Variants in PRICKLE2 observed in about 807,000 individuals in gnomAD.
The protein encoded by PRICKLE2 is prickle-like protein 2.
A neutral mutation model predicts 81.4 loss-of-function variants in PRICKLE2; 21 were observed. The ratio of observed to expected loss-of-function variants is 0.26; its 90% CI spans 0.18 to 0.37. PRICKLE2 has a LOEUF of 0.37. PRICKLE2 is among the 10% of genes least tolerant of loss of function. PRICKLE2 has a pLI of 1.00. For missense variants in PRICKLE2, 940 were observed against 1,109.0 expected (o/e 0.85, Z 2.16); for synonymous variants, 456 against 421.5 (o/e 1.08, Z -1.00).
chr3:64,211,092 T>TA (rs1447634489), intron 1 of PRICKLE2, among the ~76,000 whole-genome samples: 1 of 152,172 alleles, frequency 6.6e-6, no homozygotes, highest in African/African-American at 2.4e-5. Context: ...TAGGGGTACT[T>TA]ATCAACCAAC....
At chr3:64,255,184 G>A (rs1237895947) in intron 2 of PRICKLE2, among the ~76,000 whole-genome samples, 1 of 152,126 alleles carries the variant, frequency 6.6e-6, no homozygotes, top group Non-Finnish European at 1.5e-5. Flanking sequence ...TTCATTCCAT[G>A]TCCCATGTCT....
At chr3:64,153,494 C>T (rs1365835550) in intron 5 of PRICKLE2, 126 bp from the exon 6 acceptor site, 1 of 842,008 alleles carries the variant, frequency 1.2e-6, no homozygotes, top group Non-Finnish European at 1.9e-6. Context: ...AATAATTAAA[C>T]AAAAATCCAT....
chr3:64,133,087 G>C (rs768198622), intron 7 of PRICKLE2, among the ~76,000 whole-genome samples: 47 of 152,192 alleles, frequency 3.1e-4, no homozygotes, highest in Non-Finnish European at 1.0e-4. Flanking sequence ...CTGATTTGAT[G>C]TGCTTCATCC....
At chr3:64,104,111 T>A (rs577635565) in intron 7 of PRICKLE2, among the ~76,000 whole-genome samples, 3 of 152,364 alleles carry the variant, frequency 2.0e-5, no homozygotes, top group African/African-American at 7.2e-5. Flanking sequence ...TTGTTTCAAT[T>A]TCGTTCCTGG....
chr3:64,138,726 T>C (rs2077314264), intron 7 of PRICKLE2, among the ~76,000 whole-genome samples: 1 of 152,236 alleles, frequency 6.6e-6, no homozygotes, highest in Admixed American at 6.5e-5. Flanking sequence ...TTCCCAAGTA[T>C]ATCCCAGGGC....
At chr3:64,118,041 T>G (rs2076965257) in intron 7 of PRICKLE2, among the ~76,000 whole-genome samples, 1 of 152,062 alleles carries the variant, frequency 6.6e-6, no homozygotes, top group East Asian at 1.9e-4. Context: ...AACACAGAAG[T>G]AAGGCCACAC....
chr3:64,233,287 A>G (rs1332216496), intron 2 of PRICKLE2, among the ~76,000 whole-genome samples: 1 of 152,096 alleles, frequency 6.6e-6, no homozygotes, highest in African/African-American at 2.4e-5. Context: ...CAGTCTATTC[A>G]CAAAACTGCA....
rs191030603 is a variant in PRICKLE2, at chr3:64,221,507, G to T, written c.-41+3403C>A. On this transcript the variant is annotated intron_variant, in intron 1 of 7. Transcript: ENST00000638394. The stretch of plus-strand genomic sequence containing the variant: ...GAACATTTCATTTTAAATGTTTACA[G>T]GTTAAGACAGAGCAAAGGGGCAAAT... 2.6e-4 allele frequency among the ~76,000 whole-genome samples: 40 copies of T among 151,752 alleles called. No individual in the cohort carries two copies. The East Asian group carries it at 7.6e-3, about 29-fold the overall frequency.
chr3:64,235,891 A>C (rs897366323), intron 2 of PRICKLE2, among the ~76,000 whole-genome samples: 4 of 151,820 alleles, frequency 2.6e-5, no homozygotes, highest in Admixed American at 2.0e-4. Flanking sequence ...GACTGAACAT[A>C]CCCAGAGTGG....
Position 64,157,376 on chromosome 3 carries a change from A to C in PRICKLE2, c.397-11T>G. 1 of 1,612,342 alleles carries C rather than the reference A, an allele frequency of 6.2e-7. No homozygotes were observed. On this transcript the variant is annotated splice_polypyrimidine_tract_variant and intron_variant, in intron 4 of 7. Transcript: ENST00000638394. ...GATCTGGCCTCCGCACTGTGAGGCA[A>C]ACAGAAACATCAGTAGTCACACTAG... is the stretch of plus-strand genomic sequence containing the variant.
At chr3:64,111,451 A>C (rs533550503) in intron 7 of PRICKLE2, among the ~76,000 whole-genome samples, 59 of 152,298 alleles carry the variant, frequency 3.9e-4, no homozygotes, top group African/African-American at 1.3e-3. Context: ...GTGAATACAA[A>C]AAGTAAAAGG....
At chr3:64,163,285 G>C in intron 2 of PRICKLE2, 156 bp from the exon 3 acceptor site, 1 of 684,716 alleles carries the variant, frequency 1.5e-6, no homozygotes. Flanking sequence ...CCTATGGTAA[G>C]CAGAGAAATT....
intron 3 of PRICKLE2, 127 bp from the exon 4 acceptor site, chr3:64,160,204 AACC>A: frequency 1.0e-6 from 1 of 969,672 alleles, no homozygotes; most frequent in East Asian, 2.4e-5. Flanking sequence ...CCTGAACTTT[AACC>A]ACAACAGCCT....
At chr3:64,225,606 C>T (rs1028614048), upstream of PRICKLE2, 2 of 249,290 alleles carry the variant, frequency 8.0e-6, no homozygotes, top group Non-Finnish European at 1.3e-5. Context: ...ATCCCCAAGC[C>T]AGGGAGAGGG....
chr3:64,220,636 T>A (rs1414961005), intron 1 of PRICKLE2, among the ~76,000 whole-genome samples: 1 of 152,160 alleles, frequency 6.6e-6, no homozygotes, highest in Non-Finnish European at 1.5e-5. Flanking sequence ...TGCTTCCTCC[T>A]GTAGGTTCAC....
intron 2 of PRICKLE2, among the ~76,000 whole-genome samples, chr3:64,237,428 C>T (rs1049794831): frequency 5.3e-5 from 8 of 151,986 alleles, no homozygotes; most frequent in African/African-American, 1.2e-4. Context: ...CCCTGGAGTT[C>T]GGCCATCTCC....
chr3:64,191,189 T>A (rs900749132), intron 2 of PRICKLE2, among the ~76,000 whole-genome samples: 4 of 152,186 alleles, frequency 2.6e-5, no homozygotes, highest in Admixed American at 6.5e-5. Context: ...CTAGGATTGC[T>A]ACAAACCCTA....
At chr3:64,266,518 A>G (rs2107194637) in intron 2 of PRICKLE2, among the ~76,000 whole-genome samples, 1 of 152,314 alleles carries the variant, frequency 6.6e-6, no homozygotes, top group Non-Finnish European at 1.5e-5. Context: ...CCCCATGGGA[A>G]GATGCTTTAT....
intron 2 of PRICKLE2, chr3:64,182,586 G>C (rs704394): frequency 0.49 from 74,132 of 151,808 alleles, 18,391 homozygotes; most frequent in East Asian, 0.71. Context: ...TTTGCCCTTT[G>C]GCCTTTCACC....
Sources: gnomAD v4.1 joint callset for allele counts (sites outside exome capture counted in the v4.1 genomes callset) on GRCh38, gnomAD v4.1.1 for gene constraint, MANE v1.5 for transcripts, NCBI Gene and HGNC (gene_info 2026-07-23, HGNC 2026-07-21) for gene names.